CCDC125: variants seen among roughly 807,000 people sequenced by gnomAD.
CCDC125 encodes the protein coiled-coil domain containing 125.
A neutral mutation model predicts 57.4 loss-of-function variants in CCDC125; 43 were observed. The observed-to-expected ratio is 0.75, with a 90% CI of 0.59 to 0.97. CCDC125 has a LOEUF of 0.97. Among genes scored for constraint, CCDC125 ranks in the 50% least tolerant of loss-of-function variants. The pLI, the probability that CCDC125 is intolerant of heterozygous loss-of-function variation, is 0.00. For missense variants in CCDC125, 563 were observed against 595.7 expected, an observed-to-expected ratio of 0.95 and a Z score of 0.57; for synonymous variants, 187 against 195.2, an observed-to-expected ratio of 0.96 and a Z score of 0.35.
intron 8 of CCDC125, among the ~76,000 whole-genome samples, chr5:69,297,600 C>T (rs1755585541): frequency 6.6e-6 from 1 of 151,678 alleles, no homozygotes; most frequent in Non-Finnish European, 1.5e-5. Context: ...TTAGGTGATC[C>T]ACCTGCCTCA....
intron 10 of CCDC125, among the ~76,000 whole-genome samples, chr5:69,287,258 A>T (rs567108386): frequency 1.4e-5 from 2 of 139,972 alleles, no homozygotes; most frequent in South Asian, 4.4e-4. Context: ...GTGCGAGATT[A>T]ATCAATTTTT....
chr5:69,300,626 C>G (rs2150414732), intron 7 of CCDC125, among the ~76,000 whole-genome samples: 1 of 152,232 alleles, frequency 6.6e-6, no homozygotes, highest in South Asian at 2.1e-4. Flanking sequence ...TTTTCCCTGT[C>G]ACTGCAGGGT....
chr5:69,313,861 A>G (rs919293320), intron 3 of CCDC125, 124 bp downstream of exon 3: 10 of 874,914 alleles, frequency 1.1e-5, no homozygotes, highest in African/African-American at 3.3e-5. Context: ...AGACAGCCAC[A>G]ACAGAGGCCA....
chr5:69,279,283 C>T (rs1330147649), downstream of CCDC125, among the ~76,000 whole-genome samples: 1 of 151,476 alleles, frequency 6.6e-6, no homozygotes, highest in Non-Finnish European at 1.5e-5. Context: ...CTGCAACCTC[C>T]GCCCACTGGG....
At chr5:69,307,697 G>A (rs200799954) in intron 5 of CCDC125, 42 of 356,478 alleles carry the variant, frequency 1.2e-4, no homozygotes, top group African/African-American at 4.7e-4. Context: ...AAAAAAAAAA[G>A]AAGAAGAAAT....
At chr5:69,304,654 A>C (rs998260858) in intron 6 of CCDC125, among the ~76,000 whole-genome samples, 1 of 151,684 alleles carries the variant, frequency 6.6e-6, no homozygotes, top group Non-Finnish European at 1.5e-5. Flanking sequence ...CAAACTCCTG[A>C]CTTCAAGTGA....
chr5:69,277,879 C>T (rs1005171131), downstream of CCDC125, among the ~76,000 whole-genome samples: 1 of 152,076 alleles, frequency 6.6e-6, no homozygotes, highest in African/African-American at 2.4e-5. Context: ...AATTGAGATT[C>T]CCCCCAACCT....
chr5:69,313,404 A>G, intron 3 of CCDC125: 1 of 1,523,528 alleles, frequency 6.6e-7, no homozygotes, highest in Non-Finnish European at 9.1e-7. Context: ...AGATGATGGC[A>G]CTGCCCCCCA....
At chr5:69,293,647 C>CAA (rs10548889) in intron 9 of CCDC125, among the ~76,000 whole-genome samples, 40,980 of 131,172 alleles carry the variant, frequency 0.31, 6,691 homozygotes, top group East Asian at 0.53. Flanking sequence ...GAATCCGTCT[C>CAA]AAAAAAAAAA....
downstream of CCDC125, among the ~76,000 whole-genome samples, chr5:69,278,219 T>TTTTC (rs1487778103): frequency 1.2e-5 from 1 of 80,204 alleles, no homozygotes; most frequent in Non-Finnish European, 2.5e-5. Flanking sequence ...ATTTTATTTT[T>TTTTC]TTTTGAGATG....
chr5:69,300,020 C>G lies in CCDC125; in HGVS notation c.808G>C (p.Gly270Arg). The change falls in exon 8 of 12, where the codon GGT becomes CGT. Residue 270 changes from glycine (G) to arginine (R), a missense_variant. Coordinates refer to ENST00000396496, the MANE Select transcript of CCDC125 (RefSeq NM_176816.5). Reference sequence around the variant, plus strand: ...CCTGCATGCTTACCTACCTCAAGACCTGAAGCCTCTGCAAAGCCACTTTTA... The same window carrying G: ...CCTGCATGCTTACCTACCTCAAGACGTGAAGCCTCTGCAAAGCCACTTTTA... ...CDKSGFAEAS[G>R]LELAVLGACL... The G allele has an allele frequency of 1.2e-6, 2 of 1,613,424 alleles. No homozygotes were observed. The highest frequency in any genetic ancestry group is 1.7e-6 in the Non-Finnish European group (2 of 1,179,324).
At chr5:69,278,107 C>G (rs1752294659), downstream of CCDC125, among the ~76,000 whole-genome samples, 1 of 152,132 alleles carries the variant, frequency 6.6e-6, no homozygotes, top group African/African-American at 2.4e-5. Flanking sequence ...GCCTCTAATT[C>G]CTGACCTGAA....
At chr5:69,321,516 G>C (rs1760020724) in intron 1 of CCDC125, among the ~76,000 whole-genome samples, 1 of 152,162 alleles carries the variant, frequency 6.6e-6, no homozygotes, top group Non-Finnish European at 1.5e-5. Flanking sequence ...AGAGCCTATA[G>C]TTCCTAGTCT....
intron 8 of CCDC125, 114 bp from the exon 9 acceptor site, chr5:69,295,014 C>A: frequency 1.4e-6 from 1 of 693,628 alleles, no homozygotes; most frequent in Non-Finnish European, 2.3e-6. Context: ...GGCATCTGAT[C>A]CAAAAAAACT....
At chr5:69,273,363 G>T in the CCDC125 span, among the ~76,000 whole-genome samples, 1 of 152,102 alleles carries the variant, frequency 6.6e-6, no homozygotes, top group African/African-American at 2.4e-5. Context: ...TATTTGTTAA[G>T]AAACTGGTAT....
chr5:69,326,167 T>C (rs568657711), intron 1 of CCDC125, among the ~76,000 whole-genome samples: 159 of 152,298 alleles, frequency 1.0e-3, no homozygotes, highest in African/African-American at 3.7e-3. Context: ...AGATATCTGA[T>C]GTCAGAGCCA....
Position 69,280,579 on chromosome 5 carries a change from C to T in CCDC125, c.*2150G>A, listed in dbSNP as rs1752415762. Reference sequence around the variant, plus strand: ...TCTCAGGTGTACTGTCTGTTCTGCACCTAACTTTCAAAATACTCCTTTTCT... The same window carrying T: ...TCTCAGGTGTACTGTCTGTTCTGCATCTAACTTTCAAAATACTCCTTTTCT... On this transcript the variant is annotated 3_prime_UTR_variant, in exon 12 of 12. Coordinates refer to ENST00000396496, the MANE Select transcript of CCDC125 (RefSeq NM_176816.5). 2 of 152,180 alleles carry T rather than the reference C, an allele frequency of 1.3e-5. No homozygotes were observed. The highest frequency in any genetic ancestry group is 6.6e-5 in the Admixed American group (1 of 15,264). 9.4% of individuals were successfully genotyped at this position (152,180 alleles called of 1,614,324 possible).
intron 1 of CCDC125, among the ~76,000 whole-genome samples, chr5:69,329,240 C>T (rs1761115141): frequency 6.6e-6 from 1 of 151,856 alleles, no homozygotes; most frequent in South Asian, 2.1e-4. Context: ...TGACAGCTCA[C>T]TGCAGCCTCG....
Position 69,306,810 on chromosome 5 carries a change from T to C in CCDC125, c.617+7A>G, listed in dbSNP as rs781765630. 4.1e-6 allele frequency: 6 copies of C among 1,473,094 alleles called. No homozygotes were observed. In the South Asian group the frequency reaches 6.1e-5, roughly 15 times the overall value. 91.3% of individuals were successfully genotyped at this position (1,473,094 alleles called of 1,614,324 possible). ...GTCAAAGAAAAATAATGGAGTAATA[T>C]ACAAACCTGTCATATTTTTGGATCC... On this transcript the variant is annotated splice_region_variant and intron_variant, in intron 6 of 11. Coordinates refer to ENST00000396496, the MANE Select transcript of CCDC125 (RefSeq NM_176816.5).
Sources: allele counts gnomAD v4.1 joint callset (sites outside exome capture counted in the v4.1 genomes callset), GRCh38; gene constraint gnomAD v4.1.1; transcripts MANE v1.5; gene names NCBI Gene and HGNC (gene_info 2026-07-23, HGNC 2026-07-21).